CKAP2L: variants seen among roughly 807,000 people sequenced by gnomAD.
CKAP2L encodes cytoskeleton-associated protein 2-like.
CKAP2L carries 42 observed loss-of-function variants against 65.7 expected under a neutral mutation model. The ratio of observed to expected loss-of-function variants is 0.64; its 90% CI spans 0.50 to 0.83. CKAP2L has a LOEUF of 0.83. Ranked by LOEUF, CKAP2L falls within the 40% of genes least tolerant of loss-of-function variation. The pLI is 0.00. For missense variants in CKAP2L, 908 were observed against 871.0 expected, an observed-to-expected ratio of 1.04 and a Z score of -0.53; for synonymous variants, 325 against 313.5, an observed-to-expected ratio of 1.04 and a Z score of -0.39.
intron 6 of CKAP2L, 65 bp from the exon 7 acceptor site, chr2:112,742,834 C>T: frequency 9.3e-7 from 1 of 1,077,468 alleles, no homozygotes; most frequent in Non-Finnish European, 1.4e-6. Context: ...TGCTAAGGAA[C>T]TTTAACTTCA....
intron 2 of CKAP2L, among the ~76,000 whole-genome samples, chr2:112,762,156 T>A (rs1680741494): frequency 6.6e-6 from 1 of 152,206 alleles, no homozygotes; most frequent in South Asian, 2.1e-4. Flanking sequence ...GCCAGAACCA[T>A]GGTCATTCAA....
intron 5 of CKAP2L, among the ~76,000 whole-genome samples, chr2:112,748,690 G>A (rs1680276978): frequency 1.3e-5 from 2 of 152,046 alleles, no homozygotes; most frequent in Non-Finnish European, 2.9e-5. Context: ...GTGAGACCCT[G>A]TGTCTACAAA....
intron 8 of CKAP2L, among the ~76,000 whole-genome samples, chr2:112,740,008 G>A (rs1274151508): frequency 6.6e-6 from 1 of 152,136 alleles, no homozygotes; most frequent in Non-Finnish European, 1.5e-5. Flanking sequence ...AGGCTGGAGT[G>A]CAATGGTGCA....
intron 6 of CKAP2L, 43 bp downstream of exon 6, chr2:112,746,377 A>G: frequency 6.6e-7 from 1 of 1,525,600 alleles, no homozygotes; most frequent in Non-Finnish European, 8.9e-7. Flanking sequence ...AACTCACATG[A>G]AAGAGAATTT....
chr2:112,756,812 T>G lies in CKAP2L; in HGVS notation c.559A>C (p.Asn187His). ...DNFLKETNKE[N>H]LLDILTEPER... Reference sequence around the variant, plus strand: ...GGTTCTGTTAAGATATCGAGCAAGTTCTCTTTGTTTGTTTCTTTTAGAAAG... The same window carrying G: ...GGTTCTGTTAAGATATCGAGCAAGTGCTCTTTGTTTGTTTCTTTTAGAAAG... The change falls in exon 4 of 9, where the codon AAC becomes CAC. Residue 187 changes from asparagine (N) to histidine (H), a missense_variant. By Grantham distance (68) the Asn-to-His change is moderately conservative (BLOSUM62 1). Transcript: ENST00000302450. The G allele has an allele frequency of 6.2e-7, 1 of 1,602,336 alleles. No homozygotes were observed. Among genetic ancestry groups the G allele is most frequent in the South Asian group, 1.1e-5 (1 of 88,554 alleles).
intron 5 of CKAP2L, 25 bp from the exon 6 acceptor site, chr2:112,746,600 G>A (rs756690885): frequency 1.3e-6 from 2 of 1,540,728 alleles, no homozygotes; most frequent in Admixed American, 3.4e-5. Flanking sequence ...AATATCCAGA[G>A]GTAATTATTA....
At chr2:112,754,682 A>G (rs1288706974) in intron 4 of CKAP2L, among the ~76,000 whole-genome samples, 6 of 152,072 alleles carry the variant, frequency 3.9e-5, no homozygotes, top group Non-Finnish European at 7.4e-5. Flanking sequence ...GAGTGAATGA[A>G]TCTCTCCCTC....
intron 3 of CKAP2L, 51 bp from the exon 4 acceptor site, chr2:112,757,265 G>C (rs766253862): frequency 8.0e-7 from 1 of 1,250,578 alleles, no homozygotes; most frequent in Non-Finnish European, 1.1e-6. Flanking sequence ...ATATCTTATT[G>C]TTTTTAAAAT....
In CKAP2L at chr2:112,760,823, G is replaced by C. The variant is rs1024153352; in HGVS notation, c.105-59C>G. 4 of 831,144 alleles carry C rather than the reference G, an allele frequency of 4.8e-6. No individual in the cohort carries two copies. In the Admixed American group the frequency reaches 7.8e-5, roughly 16 times the overall value. 51.5% of individuals were successfully genotyped at this position (831,144 alleles called of 1,614,324 possible). On this transcript the variant is annotated intron_variant, in intron 2 of 8. Transcript: ENST00000302450. ...CAGAAGGATTCTAAGCTAAGCTTGG[G>C]AAGTACAGTGATTAAAAATTATGAA...
Position 112,736,539 on chromosome 2 carries a change from C to A in CKAP2L, c.*2284G>T, listed in dbSNP as rs948818259. ...CTAATACAATTGTATTAACTTTAGC[C>A]CTATCTCTAGACTTGTTCATTTTAT... On this transcript the variant is annotated 3_prime_UTR_variant, in exon 9 of 9. Coordinates refer to ENST00000302450, the MANE Select transcript of CKAP2L (RefSeq NM_152515.5). The A allele has an allele frequency of 8.5e-5, 13 of 152,082 alleles. No individual in the cohort carries two copies. Among genetic ancestry groups the A allele is most frequent in the African/African-American group, 3.1e-4 (13 of 41,422 alleles). 9.4% of individuals were successfully genotyped at this position (152,082 alleles called of 1,614,324 possible).
rs568404011 is a variant in CKAP2L at position 112,761,532 on chromosome 2, A to C, written c.105-768T>G. 3.3e-5 allele frequency among the ~76,000 whole-genome samples: 5 copies of C among 151,574 alleles called. No homozygotes were observed. In the South Asian group the frequency reaches 1.0e-3, roughly 32 times the overall value. On this transcript the variant is annotated intron_variant, in intron 2 of 8. Transcript: ENST00000302450. ...TCAAATACTATCTCTTCTAACTTTA[A>C]GGGGGTAAAGAAATATTAAAAAAAA... is the stretch of plus-strand genomic sequence containing the variant.
chr2:112,756,186 G>T lies in CKAP2L; in HGVS notation c.1185C>A (p.Ser395Arg). Residue 395 changes from serine to arginine, a missense_variant, in exon 4 of 9, where the codon AGC (serine) becomes AGA (arginine). Physicochemically the swap from Ser to Arg is moderately radical, Grantham distance 110. Transcript: ENST00000302450. Reference protein sequence around the residue: ...RFNSAIPSTPSIRPNGTSGNK... With the variant: ...RFNSAIPSTPRIRPNGTSGNK... ...TACCACTGGTTCCATTTGGTCTTATGCTAGGGGTGCTTGGAATGGCTGAAT... is the reference window on the plus strand; with the variant it reads ...TACCACTGGTTCCATTTGGTCTTATTCTAGGGGTGCTTGGAATGGCTGAAT... 6.2e-7 allele frequency: 1 copy of T among 1,614,132 alleles called. No individual in the cohort carries two copies. The highest frequency in any genetic ancestry group is 1.6e-4 in the Middle Eastern group (1 of 6,062).
In CKAP2L at chr2:112,738,537, A is replaced by G. The variant is rs993915235; in HGVS notation, c.*286T>C. On this transcript the variant is annotated 3_prime_UTR_variant, in exon 9 of 9. Coordinates refer to ENST00000302450, the MANE Select transcript of CKAP2L (RefSeq NM_152515.5). ...GATATAAAAAACTATGTTGGGATTA[A>G]AGTAGATCAATAAAGTATAAATATT... is the stretch of plus-strand genomic sequence containing the variant. 2 of 351,810 alleles carry G rather than the reference A, an allele frequency of 5.7e-6. No homozygotes were observed. Among genetic ancestry groups the G allele is most frequent in the Admixed American group, 4.5e-5 (1 of 22,428 alleles). The allele number at this position is 351,810 out of a possible 1,614,324, so 21.8% of individuals were successfully genotyped here.
chr2:112,739,657 T>C (rs1382127924), intron 8 of CKAP2L, among the ~76,000 whole-genome samples: 1 of 152,210 alleles, frequency 6.6e-6, no homozygotes, highest in South Asian at 2.1e-4. Flanking sequence ...AGATTCTTTC[T>C]AGCTTTTTCT....
At chr2:112,744,262 G>A (rs149295525) in intron 6 of CKAP2L, among the ~76,000 whole-genome samples, 60 of 152,308 alleles carry the variant, frequency 3.9e-4, no homozygotes, top group East Asian at 1.9e-4. Flanking sequence ...ACATAGGAGA[G>A]AAGAAATGAC....
chr2:112,741,950 T>G (rs1305246350), intron 7 of CKAP2L, among the ~76,000 whole-genome samples: 1 of 147,518 alleles, frequency 6.8e-6, no homozygotes, highest in Non-Finnish European at 1.5e-5. Context: ...GTTTTTTTTT[T>G]TTTTTTTTTT....
intron 5 of CKAP2L, among the ~76,000 whole-genome samples, chr2:112,747,227 A>G (rs930933957): frequency 2.0e-5 from 3 of 152,170 alleles, no homozygotes; most frequent in African/African-American, 7.2e-5. Context: ...AGTAGCTGAG[A>G]CCACAGGCAT....
intron 1 of CKAP2L, chr2:112,763,717 C>G (rs1038573388): frequency 6.6e-6 from 1 of 152,148 alleles, no homozygotes; most frequent in Non-Finnish European, 1.5e-5. Context: ...CTCATCTGAA[C>G]GGAGTTGCCC....
At chr2:112,753,981 G>A (rs2104879495) in intron 4 of CKAP2L, among the ~76,000 whole-genome samples, 1 of 152,326 alleles carries the variant, frequency 6.6e-6, no homozygotes, top group African/African-American at 2.4e-5. Context: ...CCACTAGAGT[G>A]TAAGCTCTAT....
Sources: allele counts gnomAD v4.1 joint callset (sites outside exome capture counted in the v4.1 genomes callset), GRCh38; gene constraint gnomAD v4.1.1; transcripts MANE v1.5; gene names NCBI Gene and HGNC (gene_info 2026-07-23, HGNC 2026-07-21).